TENM2: variants seen among roughly 807,000 people sequenced by gnomAD.
The protein encoded by TENM2 is teneurin transmembrane protein 2, also known as teneurin-2.
In TENM2, 52 loss-of-function variants were observed where a neutral mutation model predicts 245.2. The observed-to-expected ratio is 0.21, with a 90% CI of 0.17 to 0.27. The LOEUF is 0.27. TENM2 is among the 10% of genes least tolerant of loss of function. The pLI is 1.00. For synonymous variants in TENM2, 1,363 were observed against 1,438.9 expected (o/e 0.95, Z 1.19); for missense variants, 3,046 against 3,666.8 (o/e 0.83, Z 4.37).
At chr5:167,255,765 T>C in the TENM2 span, among the ~76,000 whole-genome samples, 2 of 152,190 alleles carry the variant, frequency 1.3e-5, no homozygotes, top group Non-Finnish European at 2.9e-5. Flanking sequence ...AATATGTCAG[T>C]GCTGGTTTGC....
At chr5:167,613,448 T>G (rs1777599744) in intron 2 of TENM2, among the ~76,000 whole-genome samples, 1 of 152,170 alleles carries the variant, frequency 6.6e-6, no homozygotes, top group Non-Finnish European at 1.5e-5. Flanking sequence ...AAGGTTATTG[T>G]GTCCAGAATT....
intron 5 of TENM2, among the ~76,000 whole-genome samples, chr5:168,046,301 T>C (rs527821081): frequency 6.6e-6 from 1 of 152,358 alleles, no homozygotes; most frequent in Non-Finnish European, 1.5e-5. Flanking sequence ...AACGTCTCCC[T>C]GTCAACAGCC....
At chr5:167,554,921 T>C (rs1007556121) in intron 2 of TENM2, among the ~76,000 whole-genome samples, 1 of 152,178 alleles carries the variant, frequency 6.6e-6, no homozygotes, top group Non-Finnish European at 1.5e-5. Flanking sequence ...AGACAGATGC[T>C]TGGGGGGAGT....
At chr5:167,820,627 C>G (rs916306007) in intron 2 of TENM2, among the ~76,000 whole-genome samples, 3 of 152,154 alleles carry the variant, frequency 2.0e-5, no homozygotes, top group Admixed American at 1.3e-4. Flanking sequence ...ATTTTGCGTT[C>G]CTAATCCCAC....
chr5:167,211,129 C>T, the TENM2 span, among the ~76,000 whole-genome samples: 1 of 152,156 alleles, frequency 6.6e-6, no homozygotes, highest in African/African-American at 2.4e-5. Flanking sequence ...TTTCTTGTCA[C>T]CTGATTTATT....
At chr5:168,072,158 A>G (rs1011991174) in intron 7 of TENM2, among the ~76,000 whole-genome samples, 9 of 152,194 alleles carry the variant, frequency 5.9e-5, no homozygotes, top group African/African-American at 2.2e-4. Flanking sequence ...CATTTGATAA[A>G]CCATTGCTAA....
rs1167926992 is a variant in TENM2, at chr5:167,952,824, T to TA, written c.947+4dup. 16 of 1,552,594 alleles carry TA rather than the reference T, an allele frequency of 1.0e-5. No individual in the cohort carries two copies. Among genetic ancestry groups the TA allele is most frequent in the African/African-American group, 1.4e-5 (1 of 73,028 alleles). ...CAGCAACGTGCCACTGGAGACCCGG[T>TA]AAGTCCCCATCGCCAGCTCACAGTC... On this transcript the variant is annotated splice_region_variant and intron_variant, in intron 4 of 28. Transcript: ENST00000518659.
chr5:167,706,008 TTTAC>T (rs1306310650), intron 2 of TENM2, among the ~76,000 whole-genome samples: 2 of 141,506 alleles, frequency 1.4e-5, no homozygotes, highest in African/African-American at 2.6e-5. Flanking sequence ...TATTTATTTA[TTTAC>T]TTATTTATAT....
intron 3 of TENM2, among the ~76,000 whole-genome samples, chr5:167,880,252 C>T (rs1432173246): frequency 2.0e-5 from 3 of 151,886 alleles, no homozygotes; most frequent in African/African-American, 7.3e-5. Flanking sequence ...AGGCTGGTCT[C>T]GAACTCCTGG....
At chr5:168,176,080 C>T (rs1759331109) in intron 13 of TENM2, among the ~76,000 whole-genome samples, 1 of 152,222 alleles carries the variant, frequency 6.6e-6, no homozygotes, top group African/African-American at 2.4e-5. Context: ...TCCTTAAGGC[C>T]ATGATTTCTT....
At chr5:167,489,369 T>A (rs1768284200) in intron 2 of TENM2, among the ~76,000 whole-genome samples, 1 of 152,126 alleles carries the variant, frequency 6.6e-6, no homozygotes, top group Non-Finnish European at 1.5e-5. Flanking sequence ...AGGCATGTCA[T>A]CATCTCCAAT....
At chr5:167,746,303 C>T (rs1256853531) in intron 2 of TENM2, among the ~76,000 whole-genome samples, 1 of 152,124 alleles carries the variant, frequency 6.6e-6, no homozygotes, top group Non-Finnish European at 1.5e-5. Flanking sequence ...GTTTGCAAAT[C>T]CACCCTAGGA....
the TENM2 span, among the ~76,000 whole-genome samples, chr5:167,012,031 G>T: frequency 1.2e-3 from 184 of 152,174 alleles, no homozygotes; most frequent in Non-Finnish European, 1.8e-3. Context: ...TTACGGATTT[G>T]TGGCCTCTCG....
intron 8 of TENM2, among the ~76,000 whole-genome samples, chr5:168,091,112 T>C (rs1792905721): frequency 6.6e-6 from 1 of 152,114 alleles, no homozygotes; most frequent in South Asian, 2.1e-4. Flanking sequence ...GCCCACCTCA[T>C]AGGGCCATTG....
intron 13 of TENM2, among the ~76,000 whole-genome samples, chr5:168,189,846 G>A (rs955672517): frequency 6.6e-6 from 1 of 152,150 alleles, no homozygotes; most frequent in African/African-American, 2.4e-5. Flanking sequence ...GGGCTCAAGT[G>A]ATCCTTCTGC....
At chr5:167,880,107 A>G (rs1219355346) in intron 3 of TENM2, among the ~76,000 whole-genome samples, 1 of 152,070 alleles carries the variant, frequency 6.6e-6, no homozygotes, top group Non-Finnish European at 1.5e-5. Context: ...ATCTTGGCTC[A>G]CTGCAACCTC....
intron 2 of TENM2, among the ~76,000 whole-genome samples, chr5:167,795,754 C>A (rs761408343): frequency 6.6e-6 from 1 of 152,094 alleles, no homozygotes; most frequent in Non-Finnish European, 1.5e-5. Flanking sequence ...CAAACAGTAG[C>A]CACACATATA....
At chr5:167,978,167 T>C (rs1782580013) in intron 4 of TENM2, among the ~76,000 whole-genome samples, 1 of 152,158 alleles carries the variant, frequency 6.6e-6, no homozygotes, top group Admixed American at 6.5e-5. Flanking sequence ...AGGAGCCAAA[T>C]AAACACCTTT....
intron 2 of TENM2, among the ~76,000 whole-genome samples, chr5:167,532,417 C>A (rs896233465): frequency 6.6e-6 from 1 of 151,922 alleles, no homozygotes; most frequent in Non-Finnish European, 1.5e-5. Flanking sequence ...CTTACAGTTC[C>A]ATGTGGCTGG....
Sources: allele counts gnomAD v4.1 joint callset (sites outside exome capture counted in the v4.1 genomes callset), GRCh38; gene constraint gnomAD v4.1.1; transcripts MANE v1.5; gene names NCBI Gene and HGNC (gene_info 2026-07-23, HGNC 2026-07-21).